Variants in JARID2 observed in about 807,000 individuals in gnomAD.
The protein encoded by JARID2 is jumonji and AT-rich interaction domain containing 2, also known as protein Jumonji.
In JARID2, 21 loss-of-function variants were observed where a neutral mutation model predicts 125.6. That is an observed-to-expected ratio of 0.17 (90% CI 0.12 to 0.24). The LOEUF is 0.24. Ranked by LOEUF, JARID2 falls within the 10% of genes least tolerant of loss-of-function variation. JARID2 has a pLI of 1.00. For synonymous variants in JARID2, 736 were observed against 661.6 expected (o/e 1.11, Z -1.73); for missense variants, 1,303 against 1,639.6 (o/e 0.79, Z 3.55).
At chr6:15,291,265 G>A (rs537817892) in intron 1 of JARID2, among the ~76,000 whole-genome samples, 1 of 152,000 alleles carries the variant, frequency 6.6e-6, no homozygotes, top group South Asian at 2.1e-4. Flanking sequence ...GAGAAGAAGT[G>A]TATAGTTAAT....
chr6:15,303,798 G>A (rs1319878798), intron 1 of JARID2, among the ~76,000 whole-genome samples: 1 of 152,180 alleles, frequency 6.6e-6, no homozygotes, highest in African/African-American at 2.4e-5. Context: ...GGTATTTCAG[G>A]TGCAGAGGTT....
intron 3 of JARID2, among the ~76,000 whole-genome samples, chr6:15,448,208 G>T (rs894694473): frequency 6.6e-6 from 1 of 152,082 alleles, no homozygotes; most frequent in Non-Finnish European, 1.5e-5. Flanking sequence ...TCCTCTAAGG[G>T]GTAATTTATT....
In JARID2 at chr6:15,487,455, C is replaced by T; in HGVS notation, c.819C>T (p.Ala273=). 6.2e-7 allele frequency: 1 copy of T among 1,614,220 alleles called. No individual in the cohort carries two copies. The highest frequency in any genetic ancestry group is 8.5e-7 in the Non-Finnish European group (1 of 1,180,038). The change falls in exon 6 of 18, where the codon GCC becomes GCT. Residue 273 remains alanine, a synonymous_variant. Transcript: ENST00000341776. ...CTTCAGCTAACCACCCCGCAGCGGC[C>T]CCCTCCACGGGTTCCTCGGCCAAGG... The part of the protein sequence containing the change: ...EQASANHPAA[A]PSTGSSAKGL...
intron 1 of JARID2, among the ~76,000 whole-genome samples, chr6:15,317,206 GA>G (rs1434424389): frequency 6.6e-6 from 1 of 152,108 alleles, no homozygotes. Flanking sequence ...ATCCCCTTGA[GA>G]AAGGGGTAAG....
intron 15 of JARID2, 96 bp downstream of exon 15, chr6:15,513,141 T>C: frequency 5.7e-6 from 9 of 1,583,402 alleles, no homozygotes; most frequent in Non-Finnish European, 7.7e-6. Flanking sequence ...CAGGAGGGTG[T>C]GTCTGCAGGG....
rs1355290851 is a variant in JARID2, at chr6:15,385,520, TA to T, written c.181+11269del. On this transcript the variant is annotated intron_variant, in intron 2 of 17. Transcript: ENST00000341776. ...AGATTTTTTAAGATATAGTTTTTTA[TA>T]GATATTATTTTATAGATATTTATTA... Among the ~76,000 whole-genome samples the T allele has an allele frequency of 6.6e-5, 10 of 150,700 alleles. No individual in the cohort carries two copies. In the East Asian group the frequency reaches 1.9e-3, roughly 29 times the overall value.
chr6:15,290,606 T>C (rs1438097450), intron 1 of JARID2, among the ~76,000 whole-genome samples: 1 of 152,158 alleles, frequency 6.6e-6, no homozygotes, highest in Non-Finnish European at 1.5e-5. Flanking sequence ...GAAGGGTTGC[T>C]GAATAGTTTT....
chr6:15,361,519 C>G (rs1763791523), intron 1 of JARID2, among the ~76,000 whole-genome samples: 1 of 152,190 alleles, frequency 6.6e-6, no homozygotes, highest in Non-Finnish European at 1.5e-5. Context: ...TGATTGCAAA[C>G]TGTAAGGATA....
At chr6:15,273,928 A>G (rs1239963494) in intron 1 of JARID2, among the ~76,000 whole-genome samples, 6 of 131,990 alleles carry the variant, frequency 4.5e-5, no homozygotes, top group African/African-American at 1.6e-4. Context: ...TTTTGTCTAT[A>G]TCTTTTTTTT....
intron 1 of JARID2, among the ~76,000 whole-genome samples, chr6:15,265,828 G>T (rs1430363358): frequency 6.6e-6 from 1 of 152,000 alleles, no homozygotes; most frequent in Non-Finnish European, 1.5e-5. Flanking sequence ...GTGTGGGATT[G>T]TCCCAGCCCC....
intron 3 of JARID2, among the ~76,000 whole-genome samples, chr6:15,444,219 C>G (rs1767568220): frequency 6.6e-6 from 1 of 152,186 alleles, no homozygotes; most frequent in South Asian, 2.1e-4. Flanking sequence ...CCCTCCCATT[C>G]TGGTAAATCA....
At chr6:15,457,120 A>G (rs9396586) in intron 4 of JARID2, among the ~76,000 whole-genome samples, 2 of 151,920 alleles carry the variant, frequency 1.3e-5, no homozygotes, top group East Asian at 1.9e-4. Flanking sequence ...TTGCAGTCTG[A>G]TTTTCCTACT....
chr6:15,265,239 C>T (rs1760036314), intron 1 of JARID2, among the ~76,000 whole-genome samples: 1 of 152,068 alleles, frequency 6.6e-6, no homozygotes, highest in Admixed American at 6.5e-5. Flanking sequence ...GGATCCAGCC[C>T]AGCCCTTGTC....
chr6:15,264,803 C>T (rs1360763177), intron 1 of JARID2, among the ~76,000 whole-genome samples: 1 of 152,196 alleles, frequency 6.6e-6, no homozygotes, highest in East Asian at 1.9e-4. Context: ...AACGCCACAT[C>T]CCTCCTACTA....
intron 1 of JARID2, among the ~76,000 whole-genome samples, chr6:15,355,322 A>G (rs1399266611): frequency 6.6e-6 from 1 of 152,244 alleles, no homozygotes; most frequent in Non-Finnish European, 1.5e-5. Context: ...CAATATATGC[A>G]GAAATCTTAA....
At chr6:15,362,542 C>T (rs943055582) in intron 1 of JARID2, among the ~76,000 whole-genome samples, 1 of 152,152 alleles carries the variant, frequency 6.6e-6, no homozygotes, top group Non-Finnish European at 1.5e-5. Context: ...CTATGAGATG[C>T]TCATACCTTA....
chr6:15,497,191 A>AG, intron 7 of JARID2, 21 bp downstream of exon 7: 2 of 1,497,314 alleles, frequency 1.3e-6, no homozygotes, highest in Non-Finnish European at 1.8e-6. Context: ...GCGGGGGGTC[A>AG]GGGGGTGGTG....
intron 1 of JARID2, among the ~76,000 whole-genome samples, chr6:15,335,825 G>A (rs757972559): frequency 1.3e-5 from 2 of 152,160 alleles, no homozygotes; most frequent in Admixed American, 6.5e-5. Context: ...TGGCATGATG[G>A]CTTACCCCTG....
chr6:15,374,087 T>C, intron 1 of JARID2, 30 bp from the exon 2 acceptor site: 2 of 1,608,376 alleles, frequency 1.2e-6, no homozygotes, highest in South Asian at 1.1e-5. Flanking sequence ...TTCTATTCAG[T>C]AACTCCTCTC....
Sources: gnomAD v4.1 joint callset for allele counts (sites outside exome capture counted in the v4.1 genomes callset) on GRCh38, gnomAD v4.1.1 for gene constraint, MANE v1.5 for transcripts, NCBI Gene and HGNC (gene_info 2026-07-23, HGNC 2026-07-21) for gene names.